DLGAP1: variants seen among roughly 807,000 people sequenced by gnomAD.
The protein encoded by DLGAP1 is DLG associated protein 1.
Under a neutral mutation model 90.8 loss-of-function variants are expected in DLGAP1, and 11 were observed. The observed-to-expected ratio is 0.12, with a 90% confidence interval of 0.08 to 0.20. The LOEUF is 0.20. Ranked by LOEUF, DLGAP1 falls within the 10% of genes least tolerant of loss-of-function variation. The pLI, the probability that DLGAP1 is intolerant of heterozygous loss-of-function variation, is 1.00. For missense variants in DLGAP1, 1,050 were observed against 1,333.8 expected (o/e 0.79, Z 3.31); for synonymous variants, 558 against 540.7 (o/e 1.03, Z -0.44).
intron 11 of DLGAP1, among the ~76,000 whole-genome samples, chr18:3,508,123 A>T (rs2050347563): frequency 6.6e-6 from 1 of 152,214 alleles, no homozygotes; most frequent in Non-Finnish European, 1.5e-5. Flanking sequence ...GATGCCCTTG[A>T]CTTCTAGCTC....
At chr18:3,639,706 C>G (rs1232209720) in intron 7 of DLGAP1, among the ~76,000 whole-genome samples, 2 of 149,760 alleles carry the variant, frequency 1.3e-5, no homozygotes, top group African/African-American at 4.9e-5. Context: ...GTCTGGTGAA[C>G]ATAATACACC....
rs755084165 is a variant in DLGAP1, at chr18:3,534,283, A to T, written c.2390T>A (p.Leu797Gln). 2 of 1,614,230 alleles carry T rather than the reference A, an allele frequency of 1.2e-6. No individual in the cohort carries two copies. Among genetic ancestry groups the T allele is most frequent in the South Asian group, 2.2e-5 (2 of 91,088 alleles). ...SVCHRDGHWFLKLLQAERDRM... is the reference protein window; with the variant it reads ...SVCHRDGHWFQKLLQAERDRM... Reference sequence around the variant, plus strand: ...GTCTCGCTCTGCCTGGAGAAGCTTCAGGAACCAGTGGCCATCCCGGTGGCA... The same window carrying T: ...GTCTCGCTCTGCCTGGAGAAGCTTCTGGAACCAGTGGCCATCCCGGTGGCA... Residue 797 changes from leucine (L) to glutamine (Q), a missense_variant, in exon 10 of 13, where the codon CTG (leucine) becomes CAG (glutamine). Leu to Gln is a moderately radical substitution (Grantham distance 113). Around this residue, in one of 2 missense-constraint regions of DLGAP1, gnomAD observed 565 missense variants for 879.7 expected, o/e 0.64. Transcript: ENST00000315677.
intron 2 of DLGAP1, among the ~76,000 whole-genome samples, chr18:4,005,948 T>C (rs942449001): frequency 6.6e-6 from 1 of 152,234 alleles, no homozygotes; most frequent in African/African-American, 2.4e-5. Flanking sequence ...GGTGATTTCC[T>C]TGGGCTTCCA....
chr18:4,422,666 C>T (rs1316247627), intron 1 of DLGAP1, among the ~76,000 whole-genome samples: 1 of 151,918 alleles, frequency 6.6e-6, no homozygotes, highest in Non-Finnish European at 1.5e-5. Context: ...ATATTTATTT[C>T]CTAAACATCA....
chr18:3,656,269 A>T (rs2059479705), intron 7 of DLGAP1: 1 of 597,620 alleles, frequency 1.7e-6, no homozygotes. Flanking sequence ...AAATAAAATA[A>T]TTTTTAGTCT....
At chr18:3,811,503 A>G (rs2148411699) in intron 5 of DLGAP1, among the ~76,000 whole-genome samples, 1 of 152,270 alleles carries the variant, frequency 6.6e-6, no homozygotes, top group East Asian at 1.9e-4. Context: ...ATCCTAAGTA[A>G]AATGTTTTCA....
intron 3 of DLGAP1, among the ~76,000 whole-genome samples, chr18:3,930,014 C>G (rs2030218002): frequency 6.6e-6 from 1 of 152,198 alleles, no homozygotes; most frequent in African/African-American, 2.4e-5. Context: ...TGTCACCAGG[C>G]AGTGTATAAG....
chr18:4,260,626 C>T (rs796440825), intron 1 of DLGAP1, among the ~76,000 whole-genome samples: 7 of 152,108 alleles, frequency 4.6e-5, no homozygotes, highest in African/African-American at 1.7e-4. Flanking sequence ...TTATTTAATA[C>T]CCATATTTCT....
At chr18:4,343,953 G>A (rs2081255229) in intron 1 of DLGAP1, among the ~76,000 whole-genome samples, 1 of 152,154 alleles carries the variant, frequency 6.6e-6, no homozygotes, top group African/African-American at 2.4e-5. Context: ...TGAGATTTGT[G>A]CTTAAGCTAA....
intron 1 of DLGAP1, among the ~76,000 whole-genome samples, chr18:4,283,074 A>C (rs766031548): frequency 6.6e-6 from 1 of 152,216 alleles, no homozygotes; most frequent in Non-Finnish European, 1.5e-5. Flanking sequence ...TTGCAGGCTC[A>C]ATATTAGTCT....
chr18:4,100,081 A>C (rs2075756285), intron 2 of DLGAP1, among the ~76,000 whole-genome samples: 1 of 152,174 alleles, frequency 6.6e-6, no homozygotes, highest in African/African-American at 2.4e-5. Flanking sequence ...GAATATTCTT[A>C]ATAGCATCTA....
intron 6 of DLGAP1, among the ~76,000 whole-genome samples, chr18:3,740,423 G>A (rs1437861410): frequency 6.6e-6 from 1 of 152,114 alleles, no homozygotes; most frequent in South Asian, 2.1e-4. Flanking sequence ...TTTCTGTAAA[G>A]CAAGGAAACA....
chr18:3,796,998 C>T (rs1395926891), intron 5 of DLGAP1, among the ~76,000 whole-genome samples: 1 of 152,058 alleles, frequency 6.6e-6, no homozygotes, highest in Non-Finnish European at 1.5e-5. Flanking sequence ...GATGTGATCA[C>T]AAGGGTGAGA....
intron 6 of DLGAP1, among the ~76,000 whole-genome samples, chr18:3,740,884 C>G (rs2147637027): frequency 6.7e-6 from 1 of 148,162 alleles, no homozygotes. Flanking sequence ...CCGTCACCAT[C>G]ACAACCACCA....
At chr18:4,082,093 C>A (rs2075616263) in intron 2 of DLGAP1, among the ~76,000 whole-genome samples, 1 of 152,016 alleles carries the variant, frequency 6.6e-6, no homozygotes, top group Non-Finnish European at 1.5e-5. Context: ...GTACTCCTAG[C>A]ACCTTGGGAG....
intron 3 of DLGAP1, among the ~76,000 whole-genome samples, chr18:3,906,472 C>G (rs1363030707): frequency 6.6e-6 from 1 of 152,154 alleles, no homozygotes; most frequent in Non-Finnish European, 1.5e-5. Flanking sequence ...GTCAGGCTGC[C>G]TGAAGTACAG....
chr18:3,516,184 C>T (rs769006706), intron 10 of DLGAP1, among the ~76,000 whole-genome samples: 4 of 152,020 alleles, frequency 2.6e-5, no homozygotes, highest in Non-Finnish European at 4.4e-5. Context: ...TTCTTAATGG[C>T]GTCTAGAATG....
chr18:4,071,630 T>C (rs1213415125), intron 2 of DLGAP1, among the ~76,000 whole-genome samples: 3 of 152,186 alleles, frequency 2.0e-5, no homozygotes, highest in Non-Finnish European at 2.9e-5. Context: ...ATATTAGTGC[T>C]TACTCTTTCA....
At chr18:3,634,012 T>G (rs2058608881) in intron 7 of DLGAP1, among the ~76,000 whole-genome samples, 1 of 152,174 alleles carries the variant, frequency 6.6e-6, no homozygotes, top group African/African-American at 2.4e-5. Context: ...GCCCAGCATA[T>G]TAGAATAATT....
Sources: gnomAD v4.1 joint callset for allele counts (sites outside exome capture counted in the v4.1 genomes callset) on GRCh38, gnomAD v4.1.1 for gene constraint, gnomAD v4.1.1 regional missense constraint, MANE v1.5 for transcripts, NCBI Gene and HGNC (gene_info 2026-07-23, HGNC 2026-07-21) for gene names.